Variants in CTNNA2 observed in about 807,000 individuals in gnomAD.
CTNNA2 encodes the protein catenin alpha-2.
Under a neutral mutation model 101.0 loss-of-function variants are expected in CTNNA2, and 42 were observed. The ratio of observed to expected loss-of-function variants is 0.42; its 90% CI spans 0.32 to 0.54. CTNNA2 has a LOEUF of 0.54. CTNNA2 is among the 20% of genes least tolerant of loss of function. The probability of loss-of-function intolerance (pLI) is 0.14; values close to 1 mark genes in which losing one functional copy is unlikely to be tolerated. For missense variants in CTNNA2, 871 were observed against 1,223.1 expected, an observed-to-expected ratio of 0.71 and a Z score of 4.29; for synonymous variants, 450 against 456.4, an observed-to-expected ratio of 0.99 and a Z score of 0.18.
At chr2:79,378,694 T>G (rs557584164) in intron 4 of CTNNA2, among the ~76,000 whole-genome samples, 42 of 152,292 alleles carry the variant, frequency 2.8e-4, no homozygotes, top group African/African-American at 9.9e-4. Flanking sequence ...GCTTGGGTTC[T>G]CAGAAATACA....
chr2:80,497,798 T>C (rs1276377134), intron 9 of CTNNA2, among the ~76,000 whole-genome samples: 1 of 152,160 alleles, frequency 6.6e-6, no homozygotes, highest in Non-Finnish European at 1.5e-5. Flanking sequence ...ATACTGAGCA[T>C]GGGACTTGAT....
chr2:79,879,957 G>A (rs1033629176), intron 6 of CTNNA2, among the ~76,000 whole-genome samples: 33 of 152,124 alleles, frequency 2.2e-4, no homozygotes, highest in African/African-American at 8.0e-4. Flanking sequence ...TTGTGGGTTT[G>A]TCATGAATAA....
At chr2:80,285,619 C>A (rs1308964575) in intron 7 of CTNNA2, among the ~76,000 whole-genome samples, 3 of 152,066 alleles carry the variant, frequency 2.0e-5, no homozygotes, top group Admixed American at 1.3e-4. Flanking sequence ...TTATTTTGTC[C>A]CAGTGAGCCC....
intron 9 of CTNNA2, among the ~76,000 whole-genome samples, chr2:80,486,625 A>G (rs1330727632): frequency 2.0e-5 from 3 of 152,132 alleles, no homozygotes. Context: ...CTTACATTCT[A>G]TTAATTTTTG....
chr2:79,981,493 A>G (rs1052231999), intron 7 of CTNNA2, among the ~76,000 whole-genome samples: 5 of 152,078 alleles, frequency 3.3e-5, no homozygotes, highest in Admixed American at 2.0e-4. Flanking sequence ...TTCACTTACC[A>G]TGAAAATAGG....
intron 4 of CTNNA2, among the ~76,000 whole-genome samples, chr2:79,408,870 G>A (rs898545618): frequency 2.0e-4 from 30 of 151,570 alleles, no homozygotes; most frequent in African/African-American, 4.8e-4. Context: ...CTGAGGAATC[G>A]CCACACTGAC....
chr2:79,867,323 C>T (rs1682191236), intron 4 of CTNNA2, among the ~76,000 whole-genome samples: 1 of 132,736 alleles, frequency 7.5e-6, no homozygotes, highest in East Asian at 2.4e-4. Context: ...TTTTCTACGT[C>T]CCTTCAATAT....
At chr2:80,565,679 T>C (rs939192624) in intron 12 of CTNNA2, among the ~76,000 whole-genome samples, 3 of 152,114 alleles carry the variant, frequency 2.0e-5, no homozygotes, top group Admixed American at 2.0e-4. Context: ...GGCTCTTTCA[T>C]GTGCTAGGCA....
At position 79,281,933 on chromosome 2, in the gene CTNNA2, A is replaced by T. The variant is rs376899070; in HGVS notation, c.-405-30776A>T. ...TATGTAGCTTCTAAATTTTTACATG[A>T]ATATTTCCAATAGTCCAGCTTAATG... On this transcript the variant is annotated intron_variant, in intron 2 of 21. Coordinates refer to the CTNNA2 transcript ENST00000466387. Among the ~76,000 whole-genome samples, 4 of 152,300 alleles carry T rather than the reference A, an allele frequency of 2.6e-5. No individual in the cohort carries two copies. In the South Asian group the frequency reaches 8.3e-4, roughly 32 times the overall value.
At chr2:80,184,586 A>G (rs1447757766) in intron 7 of CTNNA2, among the ~76,000 whole-genome samples, 1 of 152,156 alleles carries the variant, frequency 6.6e-6, no homozygotes, top group Non-Finnish European at 1.5e-5. Context: ...TGGTCTGAAA[A>G]TGTGTGGTCA....
chr2:79,506,150 A>T (rs1005218146), intron 5 of CTNNA2, among the ~76,000 whole-genome samples: 1 of 152,150 alleles, frequency 6.6e-6, no homozygotes, highest in Non-Finnish European at 1.5e-5. Context: ...ACAGGAAAAT[A>T]ATGTGTGTGT....
intron 6 of CTNNA2, among the ~76,000 whole-genome samples, chr2:79,907,426 A>G (rs1337796768): frequency 6.6e-6 from 1 of 152,132 alleles, no homozygotes; most frequent in East Asian, 1.9e-4. Flanking sequence ...ATGTGAGAGA[A>G]AGAGAGATGG....
intron 9 of CTNNA2, among the ~76,000 whole-genome samples, chr2:80,491,327 G>A (rs1334586487): frequency 6.6e-6 from 1 of 152,160 alleles, no homozygotes; most frequent in Non-Finnish European, 1.5e-5. Flanking sequence ...GCTGCTACTT[G>A]CAGACCTAAC....
Position 80,555,904 on chromosome 2 carries a change from G to A in CTNNA2, c.1741+11G>A, listed in dbSNP as rs1366917982. ...TGCTTTCTGAAACAGGTAAGCATGG[G>A]TATTGGGTCTGGCCAAAATGTTAAT... is the stretch of plus-strand genomic sequence containing the variant. On this transcript the variant is annotated intron_variant, in intron 12 of 18. Coordinates refer to ENST00000402739, the MANE Select transcript of CTNNA2 (RefSeq NM_001282597.3). 2 of 1,475,710 alleles carry A rather than the reference G, an allele frequency of 1.4e-6. No individual in the cohort carries two copies. Among genetic ancestry groups the A allele is most frequent in the African/African-American group, 1.4e-5 (1 of 70,664 alleles). The allele number at this position is 1,475,710 out of a possible 1,614,324, so 91.4% of individuals were successfully genotyped here. A position where few individuals can be genotyped will look rare whatever the true frequency, so the allele number is the denominator to read the frequency against.
At chr2:79,294,214 G>GGAA (rs755348814) in intron 2 of CTNNA2, among the ~76,000 whole-genome samples, 4,798 of 147,516 alleles carry the variant, frequency 0.033, 192 homozygotes, top group African/African-American at 0.091. Context: ...AAGAAGAAGA[G>GGAA]GAAGAAGAAG....
At chr2:79,257,761 T>G (rs1206194352) in intron 2 of CTNNA2, among the ~76,000 whole-genome samples, 1 of 151,806 alleles carries the variant, frequency 6.6e-6, no homozygotes, top group Non-Finnish European at 1.5e-5. Context: ...ATGATGGCTG[T>G]TCAAGTTTCC....
intron 3 of CTNNA2, among the ~76,000 whole-genome samples, chr2:79,320,260 ATTTTTT>A (rs34694986): frequency 2.5e-5 from 3 of 119,786 alleles, no homozygotes; most frequent in Non-Finnish European, 3.4e-5. Context: ...TTACGTTTCA[ATTTTTT>A]TTTTTTTTTT....
intron 9 of CTNNA2, among the ~76,000 whole-genome samples, chr2:80,482,219 C>T (rs957676402): frequency 6.6e-6 from 1 of 152,058 alleles, no homozygotes; most frequent in African/African-American, 2.4e-5. Context: ...TGAATCTGGG[C>T]CAGAATTTTC....
intron 9 of CTNNA2, among the ~76,000 whole-genome samples, chr2:80,446,710 G>A (rs569819485): frequency 9.2e-5 from 14 of 152,238 alleles, no homozygotes; most frequent in Admixed American, 9.2e-4. Context: ...GTTTCAACAA[G>A]TTGGGTTGTG....
Sources: allele counts gnomAD v4.1 joint callset (sites outside exome capture counted in the v4.1 genomes callset), GRCh38; gene constraint gnomAD v4.1.1; transcripts MANE v1.5; gene names NCBI Gene and HGNC (gene_info 2026-07-23, HGNC 2026-07-21).